DLGAP1: variants seen among roughly 807,000 people sequenced by gnomAD.
The protein encoded by DLGAP1 is DLG associated protein 1.
DLGAP1 carries 11 observed loss-of-function variants against 90.8 expected under a neutral mutation model. The ratio of observed to expected loss-of-function variants is 0.12; its 90% CI spans 0.08 to 0.20. The LOEUF (loss-of-function observed/expected upper bound fraction) is 0.20, where lower values mean the gene tolerates loss of function less well. Among genes scored for constraint, DLGAP1 ranks in the 10% least tolerant of loss-of-function variants. The pLI is 1.00. For missense variants in DLGAP1, 1,050 were observed against 1,333.8 expected (o/e 0.79, Z 3.31); for synonymous variants, 558 against 540.7 (o/e 1.03, Z -0.44).
chr18:4,004,698 G>A (rs372342324), intron 3 of DLGAP1, among the ~76,000 whole-genome samples: 25 of 152,214 alleles, frequency 1.6e-4, no homozygotes, highest in Admixed American at 3.9e-4. Flanking sequence ...TCCAAATAAC[G>A]TATGTGAAAC....
intron 1 of DLGAP1, among the ~76,000 whole-genome samples, chr18:4,181,441 T>C (rs1255894771): frequency 3.3e-5 from 5 of 152,152 alleles, no homozygotes; most frequent in Admixed American, 3.3e-4. Context: ...GTGGTTGAAA[T>C]ATATACTGCG....
intron 5 of DLGAP1, among the ~76,000 whole-genome samples, chr18:3,770,346 G>C (rs1011746221): frequency 6.6e-6 from 1 of 152,090 alleles, no homozygotes; most frequent in Non-Finnish European, 1.5e-5. Context: ...CTAGAAATTT[G>C]GGTACTTCTT....
intron 7 of DLGAP1, chr18:3,603,347 GAA>G (rs759527830): frequency 9.9e-5 from 15 of 152,102 alleles, no homozygotes; most frequent in Non-Finnish European, 1.9e-4. Context: ...GAGGGAGAGA[GAA>G]AGGAAAAGGG....
At chr18:4,235,801 C>T (rs1420468494) in intron 1 of DLGAP1, among the ~76,000 whole-genome samples, 1 of 140,818 alleles carries the variant, frequency 7.1e-6, no homozygotes, top group East Asian at 2.3e-4. Context: ...TCTTGGCTCA[C>T]TGCAACCTCC....
chr18:4,151,113 T>C (rs1403905284), intron 2 of DLGAP1, 67 bp downstream of exon 2: 1 of 152,214 alleles, frequency 6.6e-6, no homozygotes, highest in Non-Finnish European at 1.5e-5. Flanking sequence ...ATAGGATAGC[T>C]GAAGAGGAAG....
chr18:4,378,677 G>A lies in DLGAP1; in HGVS notation c.-267+76329C>T, dbSNP rs1198467299. ...TCCGTACCTAATATGTACTCCATCA[G>A]GGTAGGTATCTTGTCCTCTTGAGAA... On this transcript the variant is annotated intron_variant, in intron 1 of 12. Transcript: ENST00000315677. This position sits in a 1 kb window ranked among gnomAD's most constrained non-coding sequence, Gnocchi z 4.5. 6.6e-6 allele frequency among the ~76,000 whole-genome samples: 1 copy of A among 152,094 alleles called. No homozygotes were observed. Among genetic ancestry groups the A allele is most frequent in the Non-Finnish European group, 1.5e-5 (1 of 67,998 alleles).
intron 2 of DLGAP1, among the ~76,000 whole-genome samples, chr18:4,070,218 G>C (rs1007874987): frequency 6.6e-6 from 1 of 152,024 alleles, no homozygotes; most frequent in African/African-American, 2.4e-5. Flanking sequence ...CTTGACCTCA[G>C]GTCATCTGCC....
intron 1 of DLGAP1, among the ~76,000 whole-genome samples, chr18:4,443,692 A>C (rs1478652122): frequency 6.6e-6 from 1 of 152,202 alleles, no homozygotes; most frequent in Non-Finnish European, 1.5e-5. Flanking sequence ...CCGATATTTA[A>C]ATTGTATTAA....
Position 3,994,193 on chromosome 18 carries a change from G to A in DLGAP1, c.-73+10923C>T, listed in dbSNP as rs547287798. Among the ~76,000 whole-genome samples the A allele has an allele frequency of 2.2e-4, 34 of 152,278 alleles. 1 individual carries two copies. In the South Asian group the frequency reaches 6.8e-3, roughly 31 times the overall value. ...GGCCCTGGCTGGGGTGCCGAGGGTG[G>A]GGGAGACAGCTCTGGGTCCTTCTGT... is the stretch of plus-strand genomic sequence containing the variant. On this transcript the variant is annotated intron_variant, in intron 3 of 12. Transcript: ENST00000315677.
At chr18:3,948,736 T>C (rs1037810619) in intron 3 of DLGAP1, among the ~76,000 whole-genome samples, 3 of 152,052 alleles carry the variant, frequency 2.0e-5, no homozygotes, top group African/African-American at 7.3e-5. Flanking sequence ...CTATGAAGCA[T>C]AAGAATGATA....
At position 3,947,618 on chromosome 18, in the gene DLGAP1, C is replaced by T. The variant is rs371549394; in HGVS notation, c.-73+57498G>A. ...TCTGTAAGACGTTGAAAATACTTTA[C>T]ATGCTTTACCACACTTTGAGGTTTA... On this transcript the variant is annotated intron_variant, in intron 3 of 12. Transcript: ENST00000315677. 3.6e-4 allele frequency among the ~76,000 whole-genome samples: 55 copies of T among 152,362 alleles called. 1 individual carries two copies. The South Asian group carries it at 9.7e-3, about 27-fold the overall frequency.
chr18:3,618,933 C>T (rs368689587), intron 7 of DLGAP1, among the ~76,000 whole-genome samples: 46 of 105,524 alleles, frequency 4.4e-4, no homozygotes, highest in African/African-American at 2.0e-3. Flanking sequence ...AGCGAGACTC[C>T]GTCTCAAAAA....
intron 5 of DLGAP1, among the ~76,000 whole-genome samples, chr18:3,791,426 A>T (rs1305868885): frequency 1.3e-5 from 2 of 152,158 alleles, no homozygotes; most frequent in Non-Finnish European, 2.9e-5. Flanking sequence ...AGAACAATGG[A>T]TCCAAAAGTT....
At chr18:3,520,899 C>T (rs1007490854) in intron 10 of DLGAP1, among the ~76,000 whole-genome samples, 6 of 152,206 alleles carry the variant, frequency 3.9e-5, no homozygotes, top group African/African-American at 1.4e-4. Context: ...TGGACTCTGC[C>T]TTTGGCACAG....
chr18:3,637,418 T>A (rs1280310837), intron 7 of DLGAP1, among the ~76,000 whole-genome samples: 1 of 151,908 alleles, frequency 6.6e-6, no homozygotes, highest in Non-Finnish European at 1.5e-5. Flanking sequence ...CTTTCCTATA[T>A]CTACGATTTT....
intron 2 of DLGAP1, among the ~76,000 whole-genome samples, chr18:4,127,617 T>C (rs2076250714): frequency 6.6e-6 from 1 of 152,194 alleles, no homozygotes; most frequent in Non-Finnish European, 1.5e-5. Flanking sequence ...AAATAAAATA[T>C]ATTATCTGAA....
intron 2 of DLGAP1, among the ~76,000 whole-genome samples, chr18:4,065,307 T>C (rs2075355480): frequency 6.6e-6 from 1 of 151,426 alleles, no homozygotes; most frequent in Non-Finnish European, 1.5e-5. Flanking sequence ...CTATTCAACG[T>C]AGTGTTCTGG....
intron 7 of DLGAP1, chr18:3,597,246 A>G (rs2056633320): frequency 2.0e-6 from 1 of 510,264 alleles, no homozygotes; most frequent in Non-Finnish European, 3.9e-6. Context: ...TAGCACCTGC[A>G]CAATGGGGCC....
chr18:3,718,772 A>G (rs2061852785), intron 7 of DLGAP1, among the ~76,000 whole-genome samples: 3 of 152,050 alleles, frequency 2.0e-5, no homozygotes, highest in Non-Finnish European at 4.4e-5. Context: ...GTAAAAATAC[A>G]AAAATTAGCT....
Sources: allele counts gnomAD v4.1 joint callset (sites outside exome capture counted in the v4.1 genomes callset), GRCh38; gene constraint gnomAD v4.1.1; non-coding constraint Gnocchi (gnomAD v3.1); transcripts MANE v1.5; gene names NCBI Gene and HGNC (gene_info 2026-07-23, HGNC 2026-07-21).